The following AMOTL1 variants were observed in gnomAD, a reference collection of about 807,000 sequenced individuals.
AMOTL1 encodes angiomotin like 1.
A neutral mutation model predicts 102.9 loss-of-function variants in AMOTL1; 45 were observed. That is an observed-to-expected ratio of 0.44 (90% CI 0.34 to 0.56). AMOTL1 has a LOEUF of 0.56. Among genes scored for constraint, AMOTL1 ranks in the 20% least tolerant of loss-of-function variants. The probability of loss-of-function intolerance (pLI) is 0.01; values close to 1 mark genes in which losing one functional copy is unlikely to be tolerated. For synonymous variants in AMOTL1, 481 were observed against 484.7 expected (o/e 0.99, Z 0.10); for missense variants, 1,114 against 1,225.6 (o/e 0.91, Z 1.36).
At chr11:94,783,083 C>T (rs941222099) in intron 1 of AMOTL1, among the ~76,000 whole-genome samples, 1 of 152,092 alleles carries the variant, frequency 6.6e-6, no homozygotes, top group Non-Finnish European at 1.5e-5. Context: ...GATCCTAAAA[C>T]CAAAAAGTTT....
intron 2 of AMOTL1, among the ~76,000 whole-genome samples, chr11:94,736,361 C>G (rs775301805): frequency 6.6e-6 from 1 of 152,234 alleles, no homozygotes; most frequent in Non-Finnish European, 1.5e-5. Context: ...AAGCGATTCT[C>G]CTGCTTCAGC....
At chr11:94,733,681 C>A (rs779473978) in intron 2 of AMOTL1, among the ~76,000 whole-genome samples, 23 of 152,198 alleles carry the variant, frequency 1.5e-4, no homozygotes, top group Admixed American at 7.2e-4. Context: ...TCACATTTAT[C>A]CTACAGATTT....
chr11:94,709,482 C>T (rs1483635557), intron 1 of AMOTL1, among the ~76,000 whole-genome samples: 1 of 152,178 alleles, frequency 6.6e-6, no homozygotes, highest in South Asian at 2.1e-4. Flanking sequence ...GCAGAATCAG[C>T]TCTTATAAGC....
chr11:94,767,808 G>A (rs980744799), upstream of AMOTL1, among the ~76,000 whole-genome samples: 4 of 152,210 alleles, frequency 2.6e-5, no homozygotes, highest in Middle Eastern at 3.4e-3. Flanking sequence ...ACGGTTCTGC[G>A]AACACATTTA....
chr11:94,737,280 A>G (rs943356991), intron 2 of AMOTL1, among the ~76,000 whole-genome samples: 1 of 152,236 alleles, frequency 6.6e-6, no homozygotes, highest in Non-Finnish European at 1.5e-5. Flanking sequence ...AACTCTTGGA[A>G]TGCAAACTAA....
chr11:94,822,223 G>A (rs571364675), intron 4 of AMOTL1, among the ~76,000 whole-genome samples: 1 of 152,272 alleles, frequency 6.6e-6, no homozygotes, highest in East Asian at 1.9e-4. Flanking sequence ...TGAGGCAGGT[G>A]GATCGCTTGA....
At position 94,706,778 on chromosome 11, in the gene AMOTL1, G is replaced by A. The variant is rs527889937; in HGVS notation, c.-51+181G>A. Among the ~76,000 whole-genome samples, 7 of 152,292 alleles carry A rather than the reference G, an allele frequency of 4.6e-5. No homozygotes were observed. The East Asian group carries it at 5.8e-4, about 13-fold the overall frequency. On this transcript the variant is annotated intron_variant, in intron 1 of 4. Coordinates refer to the AMOTL1 transcript ENST00000299004. Reference sequence around the variant, plus strand: ...GTGGGGTGGCAGACCATGGCTAGGCGAAGTCAGCTTTGAGCTGCAGTGGTG... The same window carrying A: ...GTGGGGTGGCAGACCATGGCTAGGCAAAGTCAGCTTTGAGCTGCAGTGGTG...
At chr11:94,815,674 TAA>T (rs902974394) in intron 3 of AMOTL1, among the ~76,000 whole-genome samples, 1 of 152,082 alleles carries the variant, frequency 6.6e-6, no homozygotes, top group African/African-American at 2.4e-5. Context: ...AAAGTTTATT[TAA>T]AAGTTATTTA....
At chr11:94,808,714 A>C (rs958520310) in intron 3 of AMOTL1, among the ~76,000 whole-genome samples, 5 of 152,212 alleles carry the variant, frequency 3.3e-5, no homozygotes, top group African/African-American at 1.2e-4. Context: ...AGCAGCTCTC[A>C]CTGTTCAATA....
At position 94,800,184 on chromosome 11, in the gene AMOTL1, C is replaced by CT; in HGVS notation, c.1000dup (p.Tyr334LeufsTer3). ...AGTCAGCAAGACCCAGGAGCACGGA[C>CT]TTTTTTATGGTGACCAGCACCCCGG... On this transcript the variant is annotated frameshift_variant, in exon 3 of 13. Coordinates refer to ENST00000433060, the MANE Select transcript of AMOTL1 (RefSeq NM_130847.3). LOFTEE classifies it high-confidence loss of function. 1.9e-6 allele frequency: 3 copies of CT among 1,613,940 alleles called. No homozygotes were observed. Among genetic ancestry groups the CT allele is most frequent in the South Asian group, 1.1e-5 (1 of 91,074 alleles).
chr11:94,811,035 C>T (rs989473373), intron 3 of AMOTL1, among the ~76,000 whole-genome samples: 1 of 152,094 alleles, frequency 6.6e-6, no homozygotes, highest in African/African-American at 2.4e-5. Context: ...GATTTAGGAA[C>T]CAATCCCAGG....
At chr11:94,803,011 A>G (rs1951504948) in intron 3 of AMOTL1, among the ~76,000 whole-genome samples, 1 of 152,200 alleles carries the variant, frequency 6.6e-6, no homozygotes, top group Non-Finnish European at 1.5e-5. Flanking sequence ...GTACAACCAC[A>G]TAGACTCTTG....
intron 1 of AMOTL1, among the ~76,000 whole-genome samples, chr11:94,784,987 G>C (rs1025474841): frequency 4.6e-5 from 7 of 150,984 alleles, no homozygotes; most frequent in African/African-American, 1.2e-4. Context: ...AAAAAGAAAA[G>C]AAAAGAAAAT....
In AMOTL1 at chr11:94,799,418, C is replaced by T. The variant is rs1159837431; in HGVS notation, c.228C>T (p.Ser76=). ...VVEDPLCNFH[S]PNFLRISEVE... Reference sequence around the variant, plus strand: ...AAGATCCTCTTTGTAACTTCCACTCCCCAAACTTCCTGAGGATCTCAGAGG... The same window carrying T: ...AAGATCCTCTTTGTAACTTCCACTCTCCAAACTTCCTGAGGATCTCAGAGG... Residue 76 remains serine, a synonymous_variant, in exon 3 of 13, where the codon TCC becomes TCT. Coordinates refer to ENST00000433060, the MANE Select transcript of AMOTL1 (RefSeq NM_130847.3). This position sits in a 1 kb window ranked among gnomAD's most constrained non-coding sequence, Gnocchi z 4.5. 2 of 1,587,198 alleles carry T rather than the reference C, an allele frequency of 1.3e-6. No homozygotes were observed. Among genetic ancestry groups the T allele is most frequent in the African/African-American group, 1.3e-5 (1 of 74,418 alleles).
intron 3 of AMOTL1, among the ~76,000 whole-genome samples, chr11:94,814,725 T>C (rs16921045): frequency 0.051 from 7,709 of 152,250 alleles, 673 homozygotes; most frequent in African/African-American, 0.17. Context: ...TATAACTCCA[T>C]GTTCTAATTG....
In AMOTL1 at chr11:94,874,615, G is replaced by A. The variant is rs1251015537; in HGVS notation, c.*3820G>A. 6.6e-6 allele frequency: 1 copy of A among 152,252 alleles called. No individual in the cohort carries two copies. The highest frequency in any genetic ancestry group is 2.4e-5 in the African/African-American group (1 of 41,454). The allele number at this position is 152,252 out of a possible 1,614,324, so 9.4% of individuals were successfully genotyped here. Reference sequence around the variant, plus strand: ...TGTTCAGAATGCCCCGTGCAGAGCAGCCAGTCATTACTCTTGTTTGTTCTC... The same window carrying A: ...TGTTCAGAATGCCCCGTGCAGAGCAACCAGTCATTACTCTTGTTTGTTCTC... On this transcript the variant is annotated 3_prime_UTR_variant, in exon 13 of 13. Coordinates refer to ENST00000433060, the MANE Select transcript of AMOTL1 (RefSeq NM_130847.3).
At chr11:94,840,883 G>A (rs1245276846) in intron 6 of AMOTL1, among the ~76,000 whole-genome samples, 1 of 151,610 alleles carries the variant, frequency 6.6e-6, no homozygotes, top group African/African-American at 2.4e-5. Context: ...ACACTTAAAT[G>A]TCCTATTTCC....
chr11:94,842,546 A>G (rs1952327475), intron 6 of AMOTL1, among the ~76,000 whole-genome samples: 1 of 152,346 alleles, frequency 6.6e-6, no homozygotes, highest in South Asian at 2.1e-4. Context: ...CATTTAGGCA[A>G]CAGAGTTTGA....
chr11:94,803,258 A>C (rs1428076154), intron 3 of AMOTL1, among the ~76,000 whole-genome samples: 1 of 152,218 alleles, frequency 6.6e-6, no homozygotes, highest in African/African-American at 2.4e-5. Flanking sequence ...CATAGCTTAC[A>C]AATTCTCTCA....
Sources: allele counts gnomAD v4.1 joint callset (sites outside exome capture counted in the v4.1 genomes callset), GRCh38; gene constraint gnomAD v4.1.1; non-coding constraint Gnocchi (gnomAD v3.1); transcripts MANE v1.5; gene names NCBI Gene and HGNC (gene_info 2026-07-23, HGNC 2026-07-21).